Variants in RALYL observed in about 807,000 individuals in gnomAD.
The protein encoded by RALYL is RALY RNA binding protein like.
A neutral mutation model predicts 35.1 loss-of-function variants in RALYL; 29 were observed. That is an observed-to-expected ratio of 0.83 (90% CI 0.61 to 1.13). The LOEUF is 1.13. Among genes scored for constraint, RALYL ranks in the 50% most tolerant of loss-of-function variants. The probability of loss-of-function intolerance (pLI) is 0.00; values close to 1 mark genes in which losing one functional copy is unlikely to be tolerated. For missense variants in RALYL, 359 were observed against 360.4 expected, an observed-to-expected ratio of 1.00 and a Z score of 0.03; for synonymous variants, 120 against 127.6, an observed-to-expected ratio of 0.94 and a Z score of 0.40.
chr8:84,557,906 T>C (rs903560020), intron 2 of RALYL, among the ~76,000 whole-genome samples: 2 of 152,168 alleles, frequency 1.3e-5, no homozygotes, highest in South Asian at 2.1e-4. Flanking sequence ...GAGCATTACT[T>C]TGGGAAGTAA....
At position 84,533,292 on chromosome 8, in the gene RALYL, A is replaced by G. The variant is rs149569432; in HGVS notation, c.256+3715A>G. On this transcript the variant is annotated intron_variant, in intron 2 of 8. Transcript: ENST00000521268. Reference sequence around the variant, plus strand: ...TGTAGTCATTAGAACTTTTTTCCTCAAACACATTATATGCGAGATAAAAAC... The same window carrying G: ...TGTAGTCATTAGAACTTTTTTCCTCGAACACATTATATGCGAGATAAAAAC... Among the ~76,000 whole-genome samples, 238 of 152,236 alleles carry G rather than the reference A, an allele frequency of 1.6e-3. 1 individual carries two copies. Among genetic ancestry groups the G allele is most frequent in the African/African-American group, 5.2e-3 (215 of 41,568 alleles).
intron 1 of RALYL, among the ~76,000 whole-genome samples, chr8:84,488,934 T>C (rs2134001257): frequency 6.6e-6 from 1 of 152,226 alleles, no homozygotes; most frequent in South Asian, 2.1e-4. Flanking sequence ...GAACTACTTC[T>C]TTAATTGAGA....
intron 2 of RALYL, among the ~76,000 whole-genome samples, chr8:84,666,751 C>G (rs550526499): frequency 6.6e-6 from 1 of 152,062 alleles, no homozygotes; most frequent in Admixed American, 6.6e-5. Flanking sequence ...CTGCAGTCCT[C>G]TTGCTTCATA....
intron 2 of RALYL, among the ~76,000 whole-genome samples, chr8:84,721,774 A>G (rs1432542545): frequency 6.6e-6 from 1 of 152,166 alleles, no homozygotes; most frequent in Non-Finnish European, 1.5e-5. Flanking sequence ...TTAAGACTTC[A>G]TGTCATATAA....
intron 1 of RALYL, among the ~76,000 whole-genome samples, chr8:84,489,908 G>C (rs1402005127): frequency 5.3e-5 from 8 of 151,836 alleles, no homozygotes; most frequent in African/African-American, 1.9e-4. Flanking sequence ...AAAGTGTCAA[G>C]AAACAGGCCG....
At chr8:84,556,155 T>G (rs550637233) in intron 2 of RALYL, among the ~76,000 whole-genome samples, 9 of 152,340 alleles carry the variant, frequency 5.9e-5, no homozygotes, top group African/African-American at 2.2e-4. Context: ...TGCAAAATAT[T>G]ATTGAAAATT....
chr8:84,367,718 T>G (rs1017420234), intron 1 of RALYL, among the ~76,000 whole-genome samples: 1 of 152,100 alleles, frequency 6.6e-6, no homozygotes, highest in African/African-American at 2.4e-5. Flanking sequence ...GAAATAACAC[T>G]TTTATAGTAT....
chr8:84,688,118 G>GA (rs1554779495), intron 2 of RALYL, among the ~76,000 whole-genome samples: 2 of 146,732 alleles, frequency 1.4e-5, no homozygotes, highest in African/African-American at 5.0e-5. Context: ...ACTCCTCATA[G>GA]TTTTTTTTTT....
intron 4 of RALYL, among the ~76,000 whole-genome samples, chr8:84,815,361 ATAT>A (rs1197355082): frequency 6.7e-6 from 1 of 148,676 alleles, no homozygotes; most frequent in African/African-American, 2.4e-5. Context: ...TATTTTTTAA[ATAT>A]TAATATTTTC....
chr8:84,243,156 T>C (rs13268314), intron 1 of RALYL, among the ~76,000 whole-genome samples: 86,144 of 151,916 alleles, frequency 0.57, 24,559 homozygotes, highest in South Asian at 0.63. Flanking sequence ...TTCTGAGTTA[T>C]CTACCTGTTC....
chr8:84,875,571 CTT>C lies in RALYL; in HGVS notation c.685+2176_685+2177del, dbSNP rs924888820. On this transcript the variant is annotated intron_variant, in intron 7 of 8. Transcript: ENST00000521268. Reference sequence around the variant, plus strand: ...ACTTAGTCCTTTGATATTTATGTCTCTTTAACTTTTTATGAAGAAAATGAATT... The same window carrying C: ...ACTTAGTCCTTTGATATTTATGTCTCTAACTTTTTATGAAGAAAATGAATT... Among the ~76,000 whole-genome samples, 4 of 152,006 alleles carry C rather than the reference CTT, an allele frequency of 2.6e-5. No homozygotes were observed. In the South Asian group the frequency reaches 6.2e-4, roughly 24 times the overall value.
chr8:84,506,610 TA>T (rs2057184826), intron 1 of RALYL, among the ~76,000 whole-genome samples: 1 of 151,998 alleles, frequency 6.6e-6, no homozygotes, highest in Non-Finnish European at 1.5e-5. Context: ...CTGAATATCA[TA>T]AAAATTTTAA....
At position 84,450,070 on chromosome 8, in the gene RALYL, A is replaced by G. The variant is rs72679333; in HGVS notation, c.-23-79229A>G. 1.9e-3 allele frequency among the ~76,000 whole-genome samples: 282 copies of G among 151,962 alleles called. 1 individual carries two copies. In the Middle Eastern group the frequency reaches 0.034, roughly 18 times the overall value. On this transcript the variant is annotated intron_variant, in intron 1 of 8. Coordinates refer to ENST00000521268, the MANE Select transcript of RALYL (RefSeq NM_173848.7). ...TAGATTTGTGTCTAAAATATATATG[A>G]AAAGTTCTATAATTATTTTAATTTT...
chr8:84,741,062 G>A (rs1378011219), intron 2 of RALYL, among the ~76,000 whole-genome samples: 3 of 152,004 alleles, frequency 2.0e-5, no homozygotes, highest in African/African-American at 7.2e-5. Flanking sequence ...AAGAAAAGGA[G>A]TTATGGTTTA....
At chr8:84,806,304 G>A (rs1166990566) in intron 4 of RALYL, among the ~76,000 whole-genome samples, 3 of 152,116 alleles carry the variant, frequency 2.0e-5, no homozygotes, top group African/African-American at 7.2e-5. Flanking sequence ...AGCTCCTATT[G>A]TTAAAAATCT....
intron 1 of RALYL, among the ~76,000 whole-genome samples, chr8:84,417,836 A>G (rs1173224729): frequency 6.6e-6 from 1 of 152,120 alleles, no homozygotes; most frequent in African/African-American, 2.4e-5. Flanking sequence ...ATGGGAACAT[A>G]TTAAAATCCT....
chr8:84,851,794 C>A (rs906488484), intron 5 of RALYL, among the ~76,000 whole-genome samples: 1 of 152,210 alleles, frequency 6.6e-6, no homozygotes, highest in Admixed American at 6.5e-5. Context: ...GATCTCAGCA[C>A]GAACATCCCT....
At chr8:84,749,304 C>T (rs189416505) in intron 2 of RALYL, among the ~76,000 whole-genome samples, 2 of 150,446 alleles carry the variant, frequency 1.3e-5, no homozygotes, top group Admixed American at 6.6e-5. Flanking sequence ...GATCTCTCTG[C>T]CTGATATATT....
At chr8:84,442,816 C>T (rs1197360549) in intron 1 of RALYL, among the ~76,000 whole-genome samples, 1 of 152,112 alleles carries the variant, frequency 6.6e-6, no homozygotes, top group Non-Finnish European at 1.5e-5. Context: ...TACCAATCTA[C>T]CTGCCACTTA....
Sources: gnomAD v4.1 joint callset for allele counts (sites outside exome capture counted in the v4.1 genomes callset) on GRCh38, gnomAD v4.1.1 for gene constraint, MANE v1.5 for transcripts, NCBI Gene and HGNC (gene_info 2026-07-23, HGNC 2026-07-21) for gene names.